Variants in PCDHGA2 observed in about 807,000 individuals in gnomAD.
The protein encoded by PCDHGA2 is protocadherin gamma-A2.
PCDHGA2 carries 40 observed loss-of-function variants against 59.2 expected under a neutral mutation model. The observed-to-expected ratio is 0.68, with a 90% CI of 0.52 to 0.88. The LOEUF is 0.88. PCDHGA2 is among the 40% of genes least tolerant of loss of function. The pLI, the probability that PCDHGA2 is intolerant of heterozygous loss-of-function variation, is 0.00. For synonymous variants in PCDHGA2, 560 were observed against 526.0 expected, an observed-to-expected ratio of 1.06 and a Z score of -0.89; for missense variants, 1,226 against 1,204.0, an observed-to-expected ratio of 1.02 and a Z score of -0.27.
chr5:141,396,902 A>C (rs2093450439), intron 1 of PCDHGA2, among the ~76,000 whole-genome samples: 1 of 152,234 alleles, frequency 6.6e-6, no homozygotes, highest in African/African-American at 2.4e-5. Context: ...TATTATTGGC[A>C]CTTTGCAATT....
In PCDHGA2 at chr5:141,472,879, G is replaced by A. The variant is rs541980402; in HGVS notation, c.2425-21928G>A. Among the ~76,000 whole-genome samples the A allele has an allele frequency of 3.3e-5, 5 of 151,694 alleles. No homozygotes were observed. The South Asian group carries it at 6.2e-4, about 19-fold the overall frequency. ...CACATGCCTGTATTCCCAGCTACTC[G>A]GGAGGCTGAGGCAGGAGAATTGCTT... On this transcript the variant is annotated intron_variant, in intron 1 of 3. Coordinates refer to ENST00000394576, the MANE Select transcript of PCDHGA2 (RefSeq NM_018915.4).
In PCDHGA2 at chr5:141,432,647, C is replaced by T; in HGVS notation, c.2425-62160C>T. On this transcript the variant is annotated intron_variant, in intron 1 of 3. Coordinates refer to ENST00000394576, the MANE Select transcript of PCDHGA2 (RefSeq NM_018915.4). This position sits in a 1 kb window ranked among gnomAD's most constrained non-coding sequence, Gnocchi z 6.0. ...GCACACGGGCGAGGTGCGCACGGCG[C>T]GAGCCCTGCTGGACAGAGACGCGCT... 3 of 1,613,796 alleles carry T rather than the reference C, an allele frequency of 1.9e-6. No homozygotes were observed. Among genetic ancestry groups the T allele is most frequent in the Admixed American group, 1.7e-5 (1 of 60,008 alleles).
In PCDHGA2 at chr5:141,385,425, T is replaced by C; in HGVS notation, c.2424+44030T>C. On this transcript the variant is annotated intron_variant, in intron 1 of 3. Coordinates refer to ENST00000394576, the MANE Select transcript of PCDHGA2 (RefSeq NM_018915.4). The stretch of plus-strand genomic sequence containing the variant: ...TTTTGAAAATAGGGATTTAAAAAAC[T>C]TTATAGAGGTAAAAATGAGTTTACC... The C allele has an allele frequency of 2.7e-6, 4 of 1,460,336 alleles. No individual in the cohort carries two copies. The South Asian group carries it at 4.4e-5, about 16-fold the overall frequency. The allele number at this position is 1,460,336 out of a possible 1,614,324, so 90.5% of individuals were successfully genotyped here. A position where few individuals can be genotyped will look rare whatever the true frequency, so the allele number is the denominator to read the frequency against.
At chr5:141,430,713 T>G in intron 1 of PCDHGA2, 1 of 1,481,944 alleles carries the variant, frequency 6.7e-7, no homozygotes, top group Non-Finnish European at 9.0e-7. Context: ...GCTCCTGACT[T>G]CAGTGGTTAA....
intron 1 of PCDHGA2, chr5:141,427,320 G>GT: frequency 2.2e-6 from 1 of 457,086 alleles, no homozygotes; most frequent in Non-Finnish European, 4.4e-6. Context: ...CCCAGACGTG[G>GT]TTTTTACTTC....
rs768666162 is a variant in PCDHGA2, at chr5:141,346,229, G to A, written c.2424+4834G>A. Reference sequence around the variant, plus strand: ...TGCTGCAGGCTTCGGGAGGCGGCTTGGCGAGTACGCCCGGCTCGCACTTTG... The same window carrying A: ...TGCTGCAGGCTTCGGGAGGCGGCTTAGCGAGTACGCCCGGCTCGCACTTTG... On this transcript the variant is annotated intron_variant, in intron 1 of 3. Coordinates refer to ENST00000394576, the MANE Select transcript of PCDHGA2 (RefSeq NM_018915.4). The A allele has an allele frequency of 3.5e-5, 57 of 1,614,198 alleles. No homozygotes were observed. In the African/African-American group the frequency reaches 6.9e-4, roughly 20 times the overall value.
At chr5:141,376,221 C>A (rs919176873) in intron 1 of PCDHGA2, 8 of 1,614,216 alleles carry the variant, frequency 5.0e-6, no homozygotes, top group Middle Eastern at 1.7e-4. Context: ...GTGCTGCTGG[C>A]GCTCAGACTG....
At chr5:141,346,587 C>A in intron 1 of PCDHGA2, 2 of 1,372,760 alleles carry the variant, frequency 1.5e-6, no homozygotes, top group Non-Finnish European at 2.0e-6. Flanking sequence ...AATATTTGTC[C>A]CCCTTTCTTT....
intron 1 of PCDHGA2, among the ~76,000 whole-genome samples, chr5:141,459,682 A>G (rs557568098): frequency 2.4e-4 from 37 of 152,358 alleles, no homozygotes; most frequent in African/African-American, 8.2e-4. Flanking sequence ...AGCAATGCAT[A>G]AAGCGTTCCG....
intron 1 of PCDHGA2, chr5:141,415,938 C>T (rs1351429284): frequency 3.4e-6 from 2 of 588,200 alleles, no homozygotes; most frequent in East Asian, 4.2e-5. Context: ...ATATTTCCTC[C>T]TGGGTGGTCA....
At chr5:141,406,072 CTTT>C (rs530474569) in intron 1 of PCDHGA2, among the ~76,000 whole-genome samples, 2 of 141,478 alleles carry the variant, frequency 1.4e-5, no homozygotes. Context: ...ATTCTTACTC[CTTT>C]TTTTTTTTTT....
intron 1 of PCDHGA2, chr5:141,350,485 T>C (rs757793104): frequency 6.2e-7 from 1 of 1,613,928 alleles, no homozygotes; most frequent in Admixed American, 1.7e-5. Flanking sequence ...TCAACGTTAG[T>C]TTGGAGAGCG....
intron 2 of PCDHGA2, 114 bp from the exon 3 acceptor site, chr5:141,505,279 C>A (rs780513022): frequency 1.3e-6 from 2 of 1,541,274 alleles, no homozygotes; most frequent in Non-Finnish European, 1.7e-6. Flanking sequence ...AGAAACAGGT[C>A]TTGGGCATGG....
chr5:141,371,466 GA>G (rs756224078), intron 1 of PCDHGA2: 1 of 1,613,980 alleles, frequency 6.2e-7, no homozygotes, highest in Non-Finnish European at 8.5e-7. Context: ...ACATATACAA[GA>G]AGATGCTGAG....
At chr5:141,400,685 T>G in intron 1 of PCDHGA2, 1 of 827,408 alleles carries the variant, frequency 1.2e-6, no homozygotes, top group South Asian at 1.8e-5. Context: ...AAATTGTGAG[T>G]TTTTATGTCG....
At chr5:141,420,218 C>T (rs762476625) in intron 1 of PCDHGA2, 11 of 1,608,290 alleles carry the variant, frequency 6.8e-6, no homozygotes, top group Admixed American at 1.7e-5. Flanking sequence ...AGATAGCATG[C>T]TACTGGCTAG....
At chr5:141,488,189 T>G (rs574621860) in intron 1 of PCDHGA2, among the ~76,000 whole-genome samples, 2 of 152,316 alleles carry the variant, frequency 1.3e-5, no homozygotes, top group Non-Finnish European at 2.9e-5. Context: ...TCTTTTGGTC[T>G]GGGTCTTAGG....
rs775290219 is a variant in PCDHGA2 at position 141,423,576 on chromosome 5, G to A, written c.2425-71231G>A. On this transcript the variant is annotated intron_variant, in intron 1 of 3. Transcript: ENST00000394576. ...ACTATGGGGACACGCTCATCAGCCAGGAGAGCTGTGAGAAAAGCGAGCCAC... is the reference window on the plus strand; with the variant it reads ...ACTATGGGGACACGCTCATCAGCCAAGAGAGCTGTGAGAAAAGCGAGCCAC... The A allele has an allele frequency of 1.9e-6, 3 of 1,613,588 alleles. No homozygotes were observed. In the Admixed American group the frequency reaches 5.0e-5, roughly 27 times the overall value.
At chr5:141,419,623 G>A in intron 1 of PCDHGA2, 1 of 1,612,328 alleles carries the variant, frequency 6.2e-7, no homozygotes, top group East Asian at 2.2e-5. Context: ...GCTACCTGGT[G>A]ACCAAGGTGG....
Sources: gnomAD v4.1 joint callset for allele counts (sites outside exome capture counted in the v4.1 genomes callset) on GRCh38, gnomAD v4.1.1 for gene constraint, Gnocchi (gnomAD v3.1) non-coding constraint, MANE v1.5 for transcripts, NCBI Gene and HGNC (gene_info 2026-07-23, HGNC 2026-07-21) for gene names.